Variants in KIAA1549L observed in about 807,000 individuals in gnomAD.
KIAA1549L encodes the protein KIAA1549 like.
KIAA1549L carries 88 observed loss-of-function variants against 160.7 expected under a neutral mutation model. The observed-to-expected ratio is 0.55, with a 90% CI of 0.46 to 0.65. KIAA1549L has a LOEUF of 0.65. KIAA1549L is among the 30% of genes least tolerant of loss of function. The pLI is 0.00. For missense variants in KIAA1549L, 2,258 were observed against 2,437.5 expected (o/e 0.93, Z 1.55); for synonymous variants, 950 against 976.7 (o/e 0.97, Z 0.51).
intron 16 of KIAA1549L, among the ~76,000 whole-genome samples, chr11:33,621,731 C>T (rs1384035957): frequency 6.6e-6 from 1 of 152,060 alleles, no homozygotes; most frequent in Non-Finnish European, 1.5e-5. Context: ...CCTTTATCAG[C>T]CAAATTATTT....
chr11:33,391,984 G>T (rs1850280793), intron 1 of KIAA1549L, among the ~76,000 whole-genome samples: 1 of 152,184 alleles, frequency 6.6e-6, no homozygotes, highest in Admixed American at 6.5e-5. Flanking sequence ...AGCTATTATT[G>T]TGTTAGTCAC....
chr11:33,424,488 AT>A (rs932870358), intron 1 of KIAA1549L, among the ~76,000 whole-genome samples: 10 of 152,092 alleles, frequency 6.6e-5, no homozygotes, highest in Non-Finnish European at 1.3e-4. Context: ...GAGGGCACTC[AT>A]TTTTCTTCAT....
chr11:33,585,885 T>A (rs1323338512), intron 11 of KIAA1549L, among the ~76,000 whole-genome samples: 1 of 152,208 alleles, frequency 6.6e-6, no homozygotes, highest in Non-Finnish European at 1.5e-5. Flanking sequence ...CAAATTTATG[T>A]TCCATGAGTT....
In KIAA1549L at chr11:33,542,382, T is replaced by A. The variant is rs968546900; in HGVS notation, c.819T>A (p.Val273=). The A allele has an allele frequency of 8.2e-7, 1 of 1,220,478 alleles. No individual in the cohort carries two copies. The highest frequency in any genetic ancestry group is 1.1e-6 in the Non-Finnish European group (1 of 870,542). The allele number at this position is 1,220,478 out of a possible 1,614,324, so 75.6% of individuals were successfully genotyped here. ...PAEQSPKVLL[V]PQTAPADPSL... The stretch of plus-strand genomic sequence containing the variant: ...AGCAATCCCCCAAAGTGCTGTTAGT[T>A]CCCCAAACAGCTCCAGCCGACCCCT... The change falls in exon 2 of 21, where the codon GTT becomes GTA. Residue 273 remains valine (V), a synonymous_variant. Coordinates refer to ENST00000658780, the MANE Select transcript of KIAA1549L (RefSeq NM_012194.3).
chr11:33,397,800 T>C (rs1188609586), intron 1 of KIAA1549L, among the ~76,000 whole-genome samples: 3 of 151,488 alleles, frequency 2.0e-5, no homozygotes, highest in African/African-American at 7.3e-5. Context: ...TATTACAAGG[T>C]AATCTTTTAA....
At chr11:33,601,177 T>C (rs529179314) in intron 13 of KIAA1549L, among the ~76,000 whole-genome samples, 1 of 152,330 alleles carries the variant, frequency 6.6e-6, no homozygotes, top group East Asian at 1.9e-4. Flanking sequence ...TTAGAGTGCT[T>C]GCTTGGTTGC....
At chr11:33,472,003 T>C (rs1852187748) in intron 1 of KIAA1549L, among the ~76,000 whole-genome samples, 1 of 152,234 alleles carries the variant, frequency 6.6e-6, no homozygotes, top group Non-Finnish European at 1.5e-5. Context: ...TTTATCCTGT[T>C]GCTCTGTTGT....
Position 33,462,896 on chromosome 11 carries a change from A to G in KIAA1549L, c.239-78906A>G, listed in dbSNP as rs146360392. 3.7e-3 allele frequency among the ~76,000 whole-genome samples: 569 copies of G among 152,060 alleles called. 4 individuals carry two copies. Among genetic ancestry groups the G allele is most frequent in the African/African-American group, 0.013 (550 of 41,474 alleles). ...GTTGCTCAGGCTAGAGTGCAATGGC[A>G]TAATCATAGTTTACTGCAGCTTCAA... On this transcript the variant is annotated intron_variant, in intron 1 of 20. Coordinates refer to ENST00000658780, the MANE Select transcript of KIAA1549L (RefSeq NM_012194.3).
chr11:33,627,329 A>G (rs1231883600), intron 16 of KIAA1549L, among the ~76,000 whole-genome samples: 2 of 150,150 alleles, frequency 1.3e-5, no homozygotes, highest in Admixed American at 1.3e-4. Flanking sequence ...TTCAGAAGGA[A>G]TGGTACCAGT....
chr11:33,560,133 G>C (rs1208266737), intron 7 of KIAA1549L, among the ~76,000 whole-genome samples: 4 of 152,232 alleles, frequency 2.6e-5, no homozygotes, highest in South Asian at 2.1e-4. Context: ...GAAAAGTTTA[G>C]TGTACATCAA....
intron 1 of KIAA1549L, among the ~76,000 whole-genome samples, chr11:33,428,490 T>C (rs1455254365): frequency 1.3e-5 from 2 of 150,894 alleles, no homozygotes; most frequent in Non-Finnish European, 3.0e-5. Flanking sequence ...GTGATGTTCC[T>C]CGCCCTGTAT....
At chr11:33,569,419 C>G (rs1855166624) in intron 9 of KIAA1549L, among the ~76,000 whole-genome samples, 1 of 152,232 alleles carries the variant, frequency 6.6e-6, no homozygotes, top group African/African-American at 2.4e-5. Flanking sequence ...CAGACTACCC[C>G]TGGCATGTGA....
intron 16 of KIAA1549L, among the ~76,000 whole-genome samples, chr11:33,644,446 A>C (rs1375354975): frequency 2.0e-5 from 3 of 152,216 alleles, no homozygotes; most frequent in Non-Finnish European, 4.4e-5. Context: ...TTTATATATC[A>C]AGGTGCTTTA....
In KIAA1549L at chr11:33,542,789, C is replaced by T. The variant is rs1854071208; in HGVS notation, c.1226C>T (p.Thr409Ile). 1.2e-6 allele frequency: 2 copies of T among 1,613,766 alleles called. No individual in the cohort carries two copies. The highest frequency in any genetic ancestry group is 1.3e-5 in the African/African-American group (1 of 74,942). The change falls in exon 2 of 21, where the codon ACA (threonine) becomes ATA (isoleucine). Residue 409 changes from threonine to isoleucine, a missense_variant. Physicochemically the swap from Thr to Ile is moderately conservative, Grantham distance 89. This residue lies in a region of KIAA1549L where 540 missense variants were observed against 465.7 expected (regional missense o/e 1.16). Transcript: ENST00000658780. ...NGVSLPTFKN[T>I]ETATHEAEPP... Reference sequence around the variant, plus strand: ...GTGTCTTTGCCAACTTTTAAGAATACAGAAACAGCGACCCATGAGGCTGAG... The same window carrying T: ...GTGTCTTTGCCAACTTTTAAGAATATAGAAACAGCGACCCATGAGGCTGAG...
In KIAA1549L at chr11:33,384,941, T is replaced by TG. The variant is rs1335932272; in HGVS notation, c.238+8052_238+8053insG. Among the ~76,000 whole-genome samples the TG allele has an allele frequency of 6.2e-3, 927 of 150,466 alleles. 11 individuals carry two copies. Among genetic ancestry groups the TG allele is most frequent in the Non-Finnish European group, 8.3e-3 (561 of 67,566 alleles). On this transcript the variant is annotated intron_variant, in intron 1 of 20. Transcript: ENST00000658780. ...TTTATTAACAGCGTTTTTTTTGTTTTTTGTTTTTTTTTTTTAAAAGGAGAG... is the reference window on the plus strand; with the variant it reads ...TTTATTAACAGCGTTTTTTTTGTTTTGTTGTTTTTTTTTTTTAAAAGGAGAG...
chr11:33,642,122 A>G (rs1331381629), intron 16 of KIAA1549L, among the ~76,000 whole-genome samples: 3 of 152,166 alleles, frequency 2.0e-5, no homozygotes, highest in Non-Finnish European at 2.9e-5. Flanking sequence ...TAGGAGGAGT[A>G]TGGCATCTCC....
intron 4 of KIAA1549L, among the ~76,000 whole-genome samples, chr11:33,548,584 C>A (rs1002508050): frequency 1.3e-5 from 2 of 152,182 alleles, no homozygotes; most frequent in Non-Finnish European, 1.5e-5. Flanking sequence ...AAAAATTATC[C>A]TGACTTGTAA....
rs113898628 is a variant in KIAA1549L, at chr11:33,599,109, C to T, written c.4879+162C>T. On this transcript the variant is annotated intron_variant, in intron 13 of 20. Coordinates refer to ENST00000658780, the MANE Select transcript of KIAA1549L (RefSeq NM_012194.3). ...CAAGGGCCAGGAGTCTGTATGTACC[C>T]CTTGGGTTCTCACCTTACCCCTTGT... 5.2e-5 allele frequency: 37 copies of T among 706,966 alleles called. No individual in the cohort carries two copies. In the Middle Eastern group the frequency reaches 1.2e-3, roughly 24 times the overall value. The allele number at this position is 706,966 out of a possible 1,614,324, so 43.8% of individuals were successfully genotyped here.
intron 1 of KIAA1549L, among the ~76,000 whole-genome samples, chr11:33,460,699 G>A (rs561987068): frequency 5.9e-5 from 9 of 152,292 alleles, no homozygotes; most frequent in Non-Finnish European, 8.8e-5. Context: ...GGGATAGTAC[G>A]TTTAATTAAA....
Sources: allele counts gnomAD v4.1 joint callset (sites outside exome capture counted in the v4.1 genomes callset), GRCh38; gene constraint gnomAD v4.1.1; regional missense constraint gnomAD v4.1.1; transcripts MANE v1.5; gene names NCBI Gene and HGNC (gene_info 2026-07-23, HGNC 2026-07-21).